Variants in FAAP20 observed in about 807,000 individuals in gnomAD.
The protein encoded by FAAP20 is FA core complex associated protein 20, also known as Fanconi anemia core complex-associated protein 20.
FAAP20 carries 12 observed loss-of-function variants against 16.2 expected under a neutral mutation model. The observed-to-expected ratio is 0.74, with a 90% CI of 0.48 to 1.20. The LOEUF (loss-of-function observed/expected upper bound fraction) is 1.20, where lower values mean the gene tolerates loss of function less well. Among genes scored for constraint, FAAP20 ranks in the 50% most tolerant of loss-of-function variants. The pLI is 0.00. For missense variants in FAAP20, 288 were observed against 245.8 expected (o/e 1.17, Z -1.15); for synonymous variants, 141 against 110.7 (o/e 1.27, Z -1.72).
At chr1:2,191,676 T>G (rs1317023514) in intron 3 of FAAP20, 7 of 228,188 alleles carry the variant, frequency 3.1e-5, no homozygotes, top group Non-Finnish European at 4.3e-5. Flanking sequence ...GGGAGGCAGA[T>G]GTTGCAGTGA....
At chr1:2,195,151 G>C (rs1218233167), upstream of FAAP20, among the ~76,000 whole-genome samples, 1 of 152,244 alleles carries the variant, frequency 6.6e-6, no homozygotes. Flanking sequence ...CATTCCAGGA[G>C]TAAATAAAGC....
chr1:2,200,629 T>C (rs1252336659), upstream of FAAP20: 1 of 985,538 alleles, frequency 1.0e-6, no homozygotes, highest in Non-Finnish European at 1.2e-6. Context: ...AGGCTCCCAG[T>C]GTGTGGTCAT....
At chr1:2,186,237 G>T (rs555729704), downstream of FAAP20, 97 of 288,036 alleles carry the variant, frequency 3.4e-4, 2 homozygotes, top group East Asian at 7.5e-3. Flanking sequence ...CCACCCCATT[G>T]TGCGGCTGGT....
At chr1:2,211,425 ATATATATATATTTTTTTTTTTT>A (rs1557797903), downstream of FAAP20, among the ~76,000 whole-genome samples, 2 of 21,578 alleles carry the variant, frequency 9.3e-5, no homozygotes, top group African/African-American at 7.3e-4. Context: ...ATATATATAT[ATATATATATATTTTTTTTTTTT>A]TTTTTTTTTT....
chr1:2,186,109 GA>G (rs1194782533), downstream of FAAP20: 1 of 453,640 alleles, frequency 2.2e-6, no homozygotes, highest in African/African-American at 2.0e-5. Context: ...CTCCCTGGGA[GA>G]GGGGGTCGCG....
intron 3 of FAAP20, 145 bp from the exon 4 acceptor site, chr1:2,189,926 G>A: frequency 1.4e-6 from 1 of 691,680 alleles, no homozygotes; most frequent in Middle Eastern, 2.9e-4. Context: ...CACCCCAGGG[G>A]CTCATGCACC....
upstream of FAAP20, among the ~76,000 whole-genome samples, chr1:2,204,594 C>T (rs1229241750): frequency 6.6e-6 from 1 of 152,138 alleles, no homozygotes; most frequent in East Asian, 1.9e-4. Flanking sequence ...CCCCGCCCGC[C>T]GCCGAGCCCC....
downstream of FAAP20, among the ~76,000 whole-genome samples, chr1:2,188,923 T>G (rs1297903102): frequency 1.4e-5 from 2 of 143,170 alleles, no homozygotes; most frequent in Non-Finnish European, 3.0e-5. Flanking sequence ...GAGAATGGCG[T>G]GAACCCGGGA....
intron 3 of FAAP20, chr1:2,192,492 T>G (rs918445271): frequency 3.0e-6 from 3 of 997,658 alleles, no homozygotes; most frequent in Non-Finnish European, 3.6e-6. Flanking sequence ...TTTTAGACTA[T>G]CTGGAAAAGC....
upstream of FAAP20, among the ~76,000 whole-genome samples, chr1:2,195,512 G>A (rs1315843953): frequency 6.6e-6 from 1 of 152,272 alleles, no homozygotes; most frequent in Non-Finnish European, 1.5e-5. Context: ...CAGGGTCAGG[G>A]GCCCTCGCCA....
chr1:2,199,301 C>T, upstream of FAAP20: 1 of 1,067,938 alleles, frequency 9.4e-7, no homozygotes, highest in Non-Finnish European at 1.1e-6. The surrounding 1 kb of genome is among the most constrained non-coding windows in gnomAD (Gnocchi z 4.5). Flanking sequence ...ACGTGTCGGG[C>T]TCAGCTTCCG....
chr1:2,200,926 C>T (rs1689025108), upstream of FAAP20: 8 of 1,157,504 alleles, frequency 6.9e-6, no homozygotes, highest in Non-Finnish European at 8.7e-6. Context: ...CTTCTCGGCT[C>T]TGTAGAATCA....
At position 2,189,686 on chromosome 1, in the gene FAAP20, T is replaced by C. The variant is rs760448817; in HGVS notation, c.*23A>G. On this transcript the variant is annotated 3_prime_UTR_variant, in exon 4 of 4. Transcript: ENST00000378546. ...GAGAGCGTGTCCGGGCGCCGCACTC[T>C]GCGCAGGGCTCTTGGATGGCGCTCA... The C allele has an allele frequency of 1.1e-5, 18 of 1,601,762 alleles. 1 individual carries two copies. Among genetic ancestry groups the C allele is most frequent in the Non-Finnish European group, 1.4e-5 (16 of 1,172,232 alleles).
At chr1:2,186,492 A>ACCCCCCCCCCCCCC (rs1553181862), downstream of FAAP20, among the ~76,000 whole-genome samples, 1 of 85,952 alleles carries the variant, frequency 1.2e-5, no homozygotes, top group African/African-American at 4.6e-5. Flanking sequence ...GACCCTGGAC[A>ACCCCCCCCCCCCCC]CCCGCCCCCC....
At chr1:2,202,003 C>A (rs556521535), upstream of FAAP20, among the ~76,000 whole-genome samples, 1 of 143,182 alleles carries the variant, frequency 7.0e-6, no homozygotes, top group Admixed American at 7.3e-5. Context: ...GGCGACAGAG[C>A]GAGACTCTGT....
rs749172105 is a variant in FAAP20, at chr1:2,192,812, C to T, written c.470+827G>A. On this transcript the variant is annotated intron_variant, in intron 3 of 3. Transcript: ENST00000378546. Reference sequence around the variant, plus strand: ...ATGGGATCTTGCCATGTTGCCCAGGCTGGTCTCAAACTCCTGGGCTCCAGC... The same window carrying T: ...ATGGGATCTTGCCATGTTGCCCAGGTTGGTCTCAAACTCCTGGGCTCCAGC... 4.3e-6 allele frequency: 5 copies of T among 1,165,186 alleles called. No individual in the cohort carries two copies. In the South Asian group the frequency reaches 6.4e-5, roughly 15 times the overall value. The allele number at this position is 1,165,186 out of a possible 1,614,324, so 72.2% of individuals were successfully genotyped here. A position where few individuals can be genotyped will look rare whatever the true frequency, so the allele number is the denominator to read the frequency against.
chr1:2,206,691 G>C (rs959806059), intron 1 of FAAP20: 1 of 152,290 alleles, frequency 6.6e-6, no homozygotes, highest in Non-Finnish European at 1.5e-5. Context: ...AAATTAGCTA[G>C]GCGTGGTGGC....
Position 2,194,734 on chromosome 1 carries a change from T to C in FAAP20, c.16A>G (p.Arg6Gly). The C allele has an allele frequency of 1.7e-6, 2 of 1,190,446 alleles. No individual in the cohort carries two copies. Among genetic ancestry groups the C allele is most frequent in the Non-Finnish European group, 1.0e-6 (1 of 964,852 alleles). The allele number at this position is 1,190,446 out of a possible 1,614,324, so 73.7% of individuals were successfully genotyped here. A position where few individuals can be genotyped will look rare whatever the true frequency, so the allele number is the denominator to read the frequency against. MEAAR[R>G]PRLGLSRRRP... ...CGGCGGCTCAACCCCAGCCGCGGCC[T>C]CCGCGCCGCCTCCATCCAAGCCCGC... The change falls in exon 1 of 4, where the codon AGG becomes GGG. Residue 6 changes from arginine to glycine, a missense_variant. Arg to Gly is a moderately radical substitution (Grantham distance 125). Coordinates refer to ENST00000378546, the MANE Select transcript of FAAP20 (RefSeq NM_182533.4).
upstream of FAAP20, among the ~76,000 whole-genome samples, chr1:2,204,496 C>G (rs1346363568): frequency 2.0e-5 from 3 of 152,210 alleles, no homozygotes; most frequent in African/African-American, 7.2e-5. Context: ...CCACGTGGGG[C>G]GTGACTTGGC....
Sources: gnomAD v4.1 joint callset for allele counts (sites outside exome capture counted in the v4.1 genomes callset) on GRCh38, gnomAD v4.1.1 for gene constraint, Gnocchi (gnomAD v3.1) non-coding constraint, MANE v1.5 for transcripts, NCBI Gene and HGNC (gene_info 2026-07-23, HGNC 2026-07-21) for gene names.